The following FBXL7 variants were observed in gnomAD, a reference collection of about 807,000 sequenced individuals.
FBXL7 encodes the protein F-box/LRR-repeat protein 7.
Under a neutral mutation model 38.3 loss-of-function variants are expected in FBXL7, and 12 were observed. The observed-to-expected ratio is 0.31, with a 90% CI of 0.20 to 0.51. The LOEUF is 0.51. Ranked by LOEUF, FBXL7 falls within the 20% of genes least tolerant of loss-of-function variation. The pLI, the probability that FBXL7 is intolerant of heterozygous loss-of-function variation, is 0.98. For synonymous variants in FBXL7, 297 were observed against 300.9 expected, an observed-to-expected ratio of 0.99 and a Z score of 0.13; for missense variants, 567 against 676.4, an observed-to-expected ratio of 0.84 and a Z score of 1.79.
intron 2 of FBXL7, among the ~76,000 whole-genome samples, chr5:15,768,083 A>T (rs1297516121): frequency 1.3e-5 from 2 of 152,244 alleles, no homozygotes; most frequent in African/African-American, 2.4e-5. Flanking sequence ...GTTTAGTGTC[A>T]GCAGCAGGAA....
At chr5:15,689,723 TA>T (rs1263456339) in intron 2 of FBXL7, among the ~76,000 whole-genome samples, 1 of 152,186 alleles carries the variant, frequency 6.6e-6, no homozygotes, top group Non-Finnish European at 1.5e-5. Context: ...ACAAGTAAAT[TA>T]ATCAGAGTTG....
chr5:15,825,020 T>C (rs1042786580), intron 2 of FBXL7, among the ~76,000 whole-genome samples: 4 of 152,338 alleles, frequency 2.6e-5, no homozygotes, highest in African/African-American at 9.6e-5. Context: ...AAATCAAATA[T>C]ATTAATTTTG....
chr5:15,517,151 A>C (rs111247050), intron 1 of FBXL7, among the ~76,000 whole-genome samples: 1 of 151,868 alleles, frequency 6.6e-6, no homozygotes, highest in South Asian at 2.1e-4. Context: ...CTCAGCCTCC[A>C]GAGTAGCTGG....
intron 2 of FBXL7, among the ~76,000 whole-genome samples, chr5:15,746,307 G>A (rs565018711): frequency 6.6e-6 from 1 of 152,290 alleles, no homozygotes; most frequent in East Asian, 1.9e-4. Flanking sequence ...GGATATTTGA[G>A]CCTGGAACAC....
intron 2 of FBXL7, among the ~76,000 whole-genome samples, chr5:15,756,915 A>C (rs1736313172): frequency 6.6e-6 from 1 of 152,242 alleles, no homozygotes; most frequent in South Asian, 2.1e-4. Flanking sequence ...AAAGAAAATA[A>C]GTTTGGCAGC....
chr5:15,869,697 A>G (rs16867806), intron 2 of FBXL7, among the ~76,000 whole-genome samples: 7,443 of 152,222 alleles, frequency 0.049, 580 homozygotes, highest in African/African-American at 0.17. Context: ...TATTTTGAGC[A>G]TATATTTTGT....
At chr5:15,781,768 G>A (rs1736999497) in intron 2 of FBXL7, among the ~76,000 whole-genome samples, 1 of 152,158 alleles carries the variant, frequency 6.6e-6, no homozygotes, top group Non-Finnish European at 1.5e-5. Flanking sequence ...TTGCTATAAA[G>A]GAGAGTGTAA....
chr5:15,639,639 A>C (rs958840599), intron 2 of FBXL7, among the ~76,000 whole-genome samples: 10 of 152,062 alleles, frequency 6.6e-5, no homozygotes, highest in Non-Finnish European at 1.2e-4. Flanking sequence ...ACAGACATAT[A>C]CAAAACTCAA....
chr5:15,662,306 G>A (rs765016440), intron 2 of FBXL7, among the ~76,000 whole-genome samples: 1 of 152,116 alleles, frequency 6.6e-6, no homozygotes, highest in Non-Finnish European at 1.5e-5. Flanking sequence ...CTTTTGAAAA[G>A]TGTCCGTTCA....
At chr5:15,762,433 G>T (rs550747020) in intron 2 of FBXL7, among the ~76,000 whole-genome samples, 3 of 152,264 alleles carry the variant, frequency 2.0e-5, no homozygotes, top group African/African-American at 7.2e-5. Context: ...ATCCATGTTG[G>T]AAATCCACAT....
intron 2 of FBXL7, among the ~76,000 whole-genome samples, chr5:15,692,903 T>G (rs1319490660): frequency 6.6e-6 from 1 of 152,132 alleles, no homozygotes; most frequent in Non-Finnish European, 1.5e-5. Flanking sequence ...TTCATTTCTG[T>G]CACTCACCAC....
rs186463761 is a variant in FBXL7, at chr5:15,837,709, G to T, written c.128-90181G>T. ...GTGTTAAGATATTATGAGAGCCAAGGATGGCAGCCAGAGGTCAAGTTAGTC... is the reference window on the plus strand; with the variant it reads ...GTGTTAAGATATTATGAGAGCCAAGTATGGCAGCCAGAGGTCAAGTTAGTC... On this transcript the variant is annotated intron_variant, in intron 2 of 3. Coordinates refer to ENST00000504595, the MANE Select transcript of FBXL7 (RefSeq NM_012304.5). Among the ~76,000 whole-genome samples, 217 of 152,254 alleles carry T rather than the reference G, an allele frequency of 1.4e-3. 1 individual carries two copies. The highest frequency in any genetic ancestry group is 5.4e-3 in the Admixed American group (83 of 15,274).
rs752623279 is a variant in FBXL7, at chr5:15,927,879, TC to T, written c.128-9del. 4.6e-6 allele frequency: 7 copies of T among 1,514,808 alleles called. No individual in the cohort carries two copies. Among genetic ancestry groups the T allele is most frequent in the Non-Finnish European group, 6.2e-6 (7 of 1,131,580 alleles). 93.8% of individuals were successfully genotyped at this position (1,514,808 alleles called of 1,614,324 possible). A position where few individuals can be genotyped will look rare whatever the true frequency, so the allele number is the denominator to read the frequency against. On this transcript the variant is annotated splice_polypyrimidine_tract_variant and intron_variant, in intron 2 of 3. Coordinates refer to ENST00000504595, the MANE Select transcript of FBXL7 (RefSeq NM_012304.5). The stretch of plus-strand genomic sequence containing the variant: ...CATCATGATTAACCTTTGTTCTCTG[TC>T]CTTTGCCAGACTCCGACCTGAGCAT...
At chr5:15,651,539 C>T (rs1214086344) in intron 2 of FBXL7, among the ~76,000 whole-genome samples, 1 of 152,178 alleles carries the variant, frequency 6.6e-6, no homozygotes, top group East Asian at 1.9e-4. Context: ...GATGCATTGT[C>T]AGTGAACGGT....
chr5:15,517,413 A>G (rs1193931236), intron 1 of FBXL7, among the ~76,000 whole-genome samples: 1 of 152,234 alleles, frequency 6.6e-6, no homozygotes, highest in African/African-American at 2.4e-5. Context: ...GTGGGTGTTT[A>G]CAAGGGCTTT....
intron 1 of FBXL7, among the ~76,000 whole-genome samples, chr5:15,522,592 GTGTAA>G (rs1293354641): frequency 6.6e-6 from 1 of 152,156 alleles, no homozygotes; most frequent in Non-Finnish European, 1.5e-5. Context: ...CCAGGTCTCT[GTGTAA>G]TGGAATAAAA....
chr5:15,725,666 G>A (rs1308060420), intron 2 of FBXL7, among the ~76,000 whole-genome samples: 1 of 152,002 alleles, frequency 6.6e-6, no homozygotes. Flanking sequence ...TTGAGAGGGA[G>A]TCTCAGTCAC....
intron 2 of FBXL7, among the ~76,000 whole-genome samples, chr5:15,623,079 G>GA (rs1270804599): frequency 2.6e-5 from 4 of 152,288 alleles, no homozygotes; most frequent in South Asian, 2.1e-4. Context: ...GATCAAATTA[G>GA]AAAAAACATA....
At chr5:15,620,173 C>G (rs536188728) in intron 2 of FBXL7, among the ~76,000 whole-genome samples, 1 of 151,762 alleles carries the variant, frequency 6.6e-6, no homozygotes, top group Non-Finnish European at 1.5e-5. Context: ...GGGGCAGCTA[C>G]CACTTCTGCA....
Sources: allele counts gnomAD v4.1 joint callset (sites outside exome capture counted in the v4.1 genomes callset), GRCh38; gene constraint gnomAD v4.1.1; transcripts MANE v1.5; gene names NCBI Gene and HGNC (gene_info 2026-07-23, HGNC 2026-07-21).